Variants in TOX observed in about 807,000 individuals in gnomAD.
TOX encodes the protein thymocyte selection associated high mobility group box.
In TOX, 11 loss-of-function variants were observed where a neutral mutation model predicts 53.7. The observed-to-expected ratio is 0.20, with a 90% CI of 0.13 to 0.34. The LOEUF (loss-of-function observed/expected upper bound fraction) is 0.34. Ranked by LOEUF, TOX falls within the 10% of genes least tolerant of loss-of-function variation. TOX has a pLI of 1.00. For synonymous variants in TOX, 225 were observed against 245.3 expected (o/e 0.92, Z 0.77); for missense variants, 570 against 664.6 (o/e 0.86, Z 1.56).
intron 5 of TOX, among the ~76,000 whole-genome samples, chr8:58,834,592 G>T (rs1810517396): frequency 6.6e-6 from 1 of 152,198 alleles, no homozygotes; most frequent in Non-Finnish European, 1.5e-5. Context: ...AACACTTTGG[G>T]ATATTTTGCT....
chr8:58,955,508 A>G (rs909535524), intron 2 of TOX, among the ~76,000 whole-genome samples: 1 of 152,154 alleles, frequency 6.6e-6, no homozygotes, highest in South Asian at 2.1e-4. Context: ...TTAAAAATCT[A>G]GTTCAATCAA....
At chr8:58,984,748 A>G (rs1813293599) in intron 1 of TOX, among the ~76,000 whole-genome samples, 1 of 137,482 alleles carries the variant, frequency 7.3e-6, no homozygotes, top group African/African-American at 2.8e-5. Context: ...GCGCCACTGC[A>G]CTCCAGCCTG....
intron 1 of TOX, among the ~76,000 whole-genome samples, chr8:59,072,716 G>A (rs898694255): frequency 8.6e-5 from 13 of 151,876 alleles, no homozygotes; most frequent in South Asian, 4.2e-4. Flanking sequence ...GTCACTTATC[G>A]CTTATATTAT....
intron 1 of TOX, among the ~76,000 whole-genome samples, chr8:59,066,481 G>C (rs1251201674): frequency 6.6e-6 from 1 of 152,032 alleles, no homozygotes; most frequent in East Asian, 1.9e-4. Flanking sequence ...TCCAATAACA[G>C]ATAGAAGTCA....
At chr8:58,938,587 A>G (rs958926354) in intron 3 of TOX, among the ~76,000 whole-genome samples, 1 of 152,222 alleles carries the variant, frequency 6.6e-6, no homozygotes, top group African/African-American at 2.4e-5. Context: ...GAAAGATTTT[A>G]TAATAAGCCA....
At chr8:58,857,613 C>G (rs1810937439) in intron 3 of TOX, among the ~76,000 whole-genome samples, 1 of 152,138 alleles carries the variant, frequency 6.6e-6, no homozygotes, top group Non-Finnish European at 1.5e-5. Flanking sequence ...TCCCTCATGA[C>G]CTGCCTTGAT....
intron 1 of TOX, among the ~76,000 whole-genome samples, chr8:59,075,655 C>T (rs528796596): frequency 6.6e-6 from 1 of 152,120 alleles, no homozygotes; most frequent in Non-Finnish European, 1.5e-5. Flanking sequence ...TTTTTCCTCC[C>T]CTACATCTGT....
chr8:59,100,597 T>C (rs1804789995), intron 1 of TOX, among the ~76,000 whole-genome samples: 2 of 152,200 alleles, frequency 1.3e-5, no homozygotes. Flanking sequence ...CACGGAATTA[T>C]TTTGTAAGCA....
chr8:59,072,832 G>A (rs1006068766), intron 1 of TOX, among the ~76,000 whole-genome samples: 2 of 152,138 alleles, frequency 1.3e-5, no homozygotes, highest in Non-Finnish European at 2.9e-5. Context: ...AGATACGGTT[G>A]TAATTTCATT....
chr8:59,028,214 C>T (rs1814279828), intron 1 of TOX, among the ~76,000 whole-genome samples: 1 of 152,038 alleles, frequency 6.6e-6, no homozygotes, highest in Non-Finnish European at 1.5e-5. Context: ...TTGTGCCTAA[C>T]TTATCATTCC....
chr8:59,047,001 T>C (rs1803696870), intron 1 of TOX, among the ~76,000 whole-genome samples: 1 of 151,954 alleles, frequency 6.6e-6, no homozygotes, highest in African/African-American at 2.4e-5. Flanking sequence ...ATATATTCCA[T>C]GTCTATTCAC....
intron 6 of TOX, among the ~76,000 whole-genome samples, chr8:58,820,100 TTGTC>T (rs1810248160): frequency 6.6e-6 from 1 of 152,192 alleles, no homozygotes; most frequent in Admixed American, 6.5e-5. Context: ...GACTCAATAT[TTGTC>T]TCCATAGCTC....
chr8:58,946,860 T>C (rs1190806974), intron 2 of TOX, among the ~76,000 whole-genome samples: 6 of 152,124 alleles, frequency 3.9e-5, no homozygotes, highest in African/African-American at 1.4e-4. Flanking sequence ...TCAAAAGATA[T>C]AGCTCTCATT....
chr8:58,957,825 G>A (rs1175304326), intron 2 of TOX, among the ~76,000 whole-genome samples: 2 of 151,436 alleles, frequency 1.3e-5, no homozygotes, highest in African/African-American at 4.8e-5. Context: ...TTTTTTCCCT[G>A]CAGGATGACT....
chr8:59,066,079 G>C (rs984649461), intron 1 of TOX, among the ~76,000 whole-genome samples: 1 of 152,186 alleles, frequency 6.6e-6, no homozygotes, highest in African/African-American at 2.4e-5. Context: ...TTAAATGAGG[G>C]AGGAAAGTAT....
At chr8:58,901,311 G>GA (rs1476147910) in intron 3 of TOX, among the ~76,000 whole-genome samples, 1 of 152,138 alleles carries the variant, frequency 6.6e-6, no homozygotes, top group African/African-American at 2.4e-5. Context: ...AATGCTCAGA[G>GA]AAAATTCATT....
chr8:58,815,818 T>C, intron 6 of TOX, 94 bp from the exon 7 acceptor site: 1 of 1,379,904 alleles, frequency 7.2e-7, no homozygotes, highest in East Asian at 2.3e-5. Context: ...GCACCTTCCC[T>C]GGAATCCATA....
chr8:58,838,356 T>C (rs1810583024), intron 4 of TOX, 45 bp from the exon 5 acceptor site: 1 of 1,522,748 alleles, frequency 6.6e-7, no homozygotes, highest in Non-Finnish European at 9.1e-7. Context: ...CTGAGACAAT[T>C]TGGGGACAAG....
chr8:58,975,100 C>T (rs1417341104), intron 1 of TOX, among the ~76,000 whole-genome samples: 1 of 151,150 alleles, frequency 6.6e-6, no homozygotes, highest in Non-Finnish European at 1.5e-5. Flanking sequence ...TGTACATATA[C>T]ACACATTATA....
Sources: gnomAD v4.1 joint callset for allele counts (sites outside exome capture counted in the v4.1 genomes callset) on GRCh38, gnomAD v4.1.1 for gene constraint, MANE v1.5 for transcripts, NCBI Gene and HGNC (gene_info 2026-07-23, HGNC 2026-07-21) for gene names.